TCERG1L: variants seen among roughly 807,000 people sequenced by gnomAD.
TCERG1L encodes the protein transcription elongation regulator 1-like protein.
TCERG1L carries 37 observed loss-of-function variants against 56.3 expected under a neutral mutation model. The observed-to-expected ratio is 0.66, with a 90% confidence interval of 0.51 to 0.87. The LOEUF (loss-of-function observed/expected upper bound fraction) is 0.87. Among genes scored for constraint, TCERG1L ranks in the 40% least tolerant of loss-of-function variants. TCERG1L has a pLI of 0.00. For missense variants in TCERG1L, 799 were observed against 774.2 expected, an observed-to-expected ratio of 1.03 and a Z score of -0.38; for synonymous variants, 324 against 326.3, an observed-to-expected ratio of 0.99 and a Z score of 0.08.
At chr10:131,236,710 G>A (rs1192651375) in intron 4 of TCERG1L, among the ~76,000 whole-genome samples, 1 of 152,228 alleles carries the variant, frequency 6.6e-6, no homozygotes, top group Non-Finnish European at 1.5e-5. Context: ...GGAGGCTGAA[G>A]AGAGGTAATT....
chr10:131,281,069 T>C (rs1846446571), intron 3 of TCERG1L, among the ~76,000 whole-genome samples: 1 of 152,224 alleles, frequency 6.6e-6, no homozygotes, highest in Admixed American at 6.5e-5. Context: ...ATTCTTTTTC[T>C]CTTATCCAAA....
At chr10:131,269,273 G>A (rs559178544) in intron 3 of TCERG1L, among the ~76,000 whole-genome samples, 5 of 152,114 alleles carry the variant, frequency 3.3e-5, no homozygotes, top group South Asian at 2.1e-4. Context: ...TGCAACCTCC[G>A]CCTCCCAGGT....
chr10:131,253,317 C>G (rs955327352), intron 4 of TCERG1L, among the ~76,000 whole-genome samples: 1 of 152,184 alleles, frequency 6.6e-6, no homozygotes, highest in Admixed American at 6.5e-5. Context: ...TGAGTCCCGC[C>G]CTCACTCTGC....
intron 3 of TCERG1L, among the ~76,000 whole-genome samples, chr10:131,294,506 C>T (rs1233001434): frequency 6.6e-6 from 1 of 152,214 alleles, no homozygotes; most frequent in African/African-American, 2.4e-5. Context: ...CTGTCCTCAA[C>T]CTTGGCCCAA....
intron 4 of TCERG1L, among the ~76,000 whole-genome samples, chr10:131,256,948 A>AAG (rs1846169449): frequency 1.6e-5 from 1 of 60,738 alleles, no homozygotes; most frequent in African/African-American, 5.9e-5. Context: ...AGGAAGAGAA[A>AAG]GAAGGAAGGA....
In TCERG1L at chr10:131,115,702, T is replaced by C. The variant is rs1269520122; in HGVS notation, c.1395+1097A>G. Among the ~76,000 whole-genome samples the C allele has an allele frequency of 2.0e-5, 3 of 152,186 alleles. No individual in the cohort carries two copies. The East Asian group carries it at 5.8e-4, about 29-fold the overall frequency. On this transcript the variant is annotated intron_variant, in intron 9 of 11. Transcript: ENST00000368642. ...TGCACACATTCAAATTCAAGGGGCT[T>C]TGGAGGGGAGGTGTCCCTAGGGGTG...
intron 9 of TCERG1L, among the ~76,000 whole-genome samples, chr10:131,115,753 A>C (rs1206816076): frequency 6.6e-6 from 1 of 152,128 alleles, no homozygotes; most frequent in African/African-American, 2.4e-5. Flanking sequence ...TTCCTCCATA[A>C]AATTCCTAAG....
chr10:131,227,313 C>T (rs1205941862), intron 4 of TCERG1L, among the ~76,000 whole-genome samples: 1 of 152,232 alleles, frequency 6.6e-6, no homozygotes. Context: ...CCTCCCAAAG[C>T]TGGGCTCGGA....
intron 9 of TCERG1L, among the ~76,000 whole-genome samples, chr10:131,109,276 G>A (rs750053883): frequency 6.6e-6 from 1 of 152,186 alleles, no homozygotes; most frequent in Non-Finnish European, 1.5e-5. Flanking sequence ...AGAAGTTTGT[G>A]ATCCACCCCC....
At position 131,311,559 on chromosome 10, in the gene TCERG1L, A is replaced by G. The variant is rs1012040503; in HGVS notation, c.77T>C (p.Leu26Pro). 1.8e-6 allele frequency: 2 copies of G among 1,133,188 alleles called. No homozygotes were observed. The highest frequency in any genetic ancestry group is 2.2e-6 in the Non-Finnish European group (2 of 926,898). 70.2% of individuals were successfully genotyped at this position (1,133,188 alleles called of 1,614,324 possible). A position where few individuals can be genotyped will look rare whatever the true frequency, so the allele number is the denominator to read the frequency against. ...QQQPRRRQPL[L>P]WPMDAEPPPP... ...CGGCGGCTCTGCGTCCATCGGCCAG[A>G]GGAGAGGCTGCCGCCGCCGGGGCTG... Residue 26 changes from leucine to proline, a missense_variant, in exon 1 of 12, where the codon CTC (leucine) becomes CCC (proline). By Grantham distance (98) the Leu-to-Pro change is moderately conservative (BLOSUM62 -3). Coordinates refer to ENST00000368642, the MANE Select transcript of TCERG1L (RefSeq NM_174937.4). The surrounding 1 kb of genome is among the most constrained non-coding windows in gnomAD (Gnocchi z 4.0).
chr10:131,199,167 T>C (rs1270302871), intron 4 of TCERG1L, among the ~76,000 whole-genome samples: 2 of 152,180 alleles, frequency 1.3e-5, no homozygotes, highest in Non-Finnish European at 2.9e-5. Flanking sequence ...GCTCCCGTTG[T>C]CTGGTGAACA....
intron 3 of TCERG1L, among the ~76,000 whole-genome samples, chr10:131,266,592 A>G (rs576306365): frequency 1.3e-5 from 2 of 152,288 alleles, no homozygotes; most frequent in South Asian, 4.1e-4. Flanking sequence ...CAAGACAAAG[A>G]GGAGCTTTAT....
chr10:131,109,425 C>T (rs1004458761), intron 9 of TCERG1L, among the ~76,000 whole-genome samples: 1 of 152,024 alleles, frequency 6.6e-6, no homozygotes, highest in Non-Finnish European at 1.5e-5. Context: ...GGTCTGTGAC[C>T]GTGACCATGT....
intron 6 of TCERG1L, chr10:131,160,944 T>G (rs1845970993): frequency 6.6e-6 from 1 of 152,214 alleles, no homozygotes; most frequent in African/African-American, 2.4e-5. Context: ...GGAAGCTGTG[T>G]GAGGATTCCA....
At chr10:131,257,576 T>G (rs888797995) in intron 4 of TCERG1L, among the ~76,000 whole-genome samples, 2 of 152,188 alleles carry the variant, frequency 1.3e-5, no homozygotes, top group Admixed American at 6.5e-5. Flanking sequence ...CATGGTGCCT[T>G]AAGCAGAGTT....
intron 6 of TCERG1L, 50 bp downstream of exon 6, chr10:131,163,072 G>C (rs1331491178): frequency 7.1e-7 from 1 of 1,406,230 alleles, no homozygotes; most frequent in Non-Finnish European, 9.5e-7. Context: ...GCAAATGCCA[G>C]GACCAGACAA....
At position 131,211,224 on chromosome 10, in the gene TCERG1L, T is replaced by A. The variant is rs570425675; in HGVS notation, c.857-44339A>T. Among the ~76,000 whole-genome samples, 17 of 152,288 alleles carry A rather than the reference T, an allele frequency of 1.1e-4. No homozygotes were observed. In the South Asian group the frequency reaches 3.3e-3, roughly 30 times the overall value. On this transcript the variant is annotated intron_variant, in intron 4 of 11. Coordinates refer to ENST00000368642, the MANE Select transcript of TCERG1L (RefSeq NM_174937.4). ...GCTCTGGTCCCACAAGTGCAAGAAA[T>A]AGGCCAGCCTCTCAAAGGAGGACTG... is the stretch of plus-strand genomic sequence containing the variant.
At chr10:131,241,266 A>G (rs900556308) in intron 4 of TCERG1L, among the ~76,000 whole-genome samples, 8 of 152,204 alleles carry the variant, frequency 5.3e-5, no homozygotes, top group Non-Finnish European at 8.8e-5. Flanking sequence ...AAATGTCAAT[A>G]GATTTAGAAA....
chr10:131,140,000 T>C (rs1317026001), intron 7 of TCERG1L, among the ~76,000 whole-genome samples: 1 of 152,182 alleles, frequency 6.6e-6, no homozygotes, highest in Non-Finnish European at 1.5e-5. Flanking sequence ...GTGGGGAATA[T>C]ACCTAATTTT....
Sources: allele counts gnomAD v4.1 joint callset (sites outside exome capture counted in the v4.1 genomes callset), GRCh38; gene constraint gnomAD v4.1.1; non-coding constraint Gnocchi (gnomAD v3.1); transcripts MANE v1.5; gene names NCBI Gene and HGNC (gene_info 2026-07-23, HGNC 2026-07-21).